The following CD86 variants were observed in gnomAD, a reference collection of about 807,000 sequenced individuals.
CD86 encodes the protein CD86 molecule, also known as T-lymphocyte activation antigen CD86.
In CD86, 11 loss-of-function variants were observed where a neutral mutation model predicts 32.1. The ratio of observed to expected loss-of-function variants is 0.34; its 90% CI spans 0.22 to 0.57. The LOEUF (loss-of-function observed/expected upper bound fraction) is 0.57. Among genes scored for constraint, CD86 ranks in the 20% least tolerant of loss-of-function variants. The probability of loss-of-function intolerance (pLI) is 0.86; values close to 1 mark genes in which losing one functional copy is unlikely to be tolerated. For synonymous variants in CD86, 137 were observed against 135.3 expected (o/e 1.01, Z -0.09); for missense variants, 359 against 398.4 (o/e 0.90, Z 0.84).
intron 1 of CD86, among the ~76,000 whole-genome samples, chr3:122,073,006 G>A (rs963047804): frequency 6.6e-6 from 1 of 151,762 alleles, no homozygotes. Context: ...CCCATTGCTT[G>A]TTTTTCTCAG....
chr3:122,104,344 A>T (rs953282635), intron 3 of CD86, among the ~76,000 whole-genome samples: 21 of 152,170 alleles, frequency 1.4e-4, no homozygotes, highest in African/African-American at 4.8e-4. Flanking sequence ...TTGCTGCCAC[A>T]ACCATGAGCC....
chr3:122,093,424 A>G (rs574842359), intron 2 of CD86, among the ~76,000 whole-genome samples: 6 of 152,332 alleles, frequency 3.9e-5, no homozygotes, highest in Non-Finnish European at 7.3e-5. Flanking sequence ...TTGTCATTGT[A>G]TAATCATCAT....
chr3:122,086,130 T>A (rs1340778962), intron 1 of CD86, among the ~76,000 whole-genome samples: 1 of 152,204 alleles, frequency 6.6e-6, no homozygotes, highest in Non-Finnish European at 1.5e-5. Context: ...GACCAAGGCC[T>A]ACATGTCTTT....
At chr3:122,096,220 C>T (rs978284137) in intron 2 of CD86, among the ~76,000 whole-genome samples, 1 of 152,116 alleles carries the variant, frequency 6.6e-6, no homozygotes, top group Non-Finnish European at 1.5e-5. Context: ...TACATGCCAC[C>T]ATGCCTGGCT....
chr3:122,097,571 C>T (rs932891391), intron 2 of CD86, among the ~76,000 whole-genome samples: 4 of 152,152 alleles, frequency 2.6e-5, no homozygotes, highest in Middle Eastern at 3.4e-3. Flanking sequence ...CTTAGGGGGT[C>T]GCCTTACCAT....
chr3:122,104,653 A>G (rs1231654118), intron 3 of CD86, among the ~76,000 whole-genome samples: 1 of 152,148 alleles, frequency 6.6e-6, no homozygotes, highest in African/African-American at 2.4e-5. Flanking sequence ...TGGGCATCCT[A>G]TAGTTTTGTC....
chr3:122,104,715 C>T (rs905317884), intron 3 of CD86, among the ~76,000 whole-genome samples: 14 of 152,132 alleles, frequency 9.2e-5, no homozygotes, highest in African/African-American at 3.4e-4. Context: ...CCTTTTAAGC[C>T]TGGCTTCTTT....
chr3:122,095,568 A>G (rs149825272), intron 2 of CD86, among the ~76,000 whole-genome samples: 1 of 152,274 alleles, frequency 6.6e-6, no homozygotes, highest in African/African-American at 2.4e-5. Context: ...TTTTGCAGAT[A>G]TCTGCGTGGG....
intron 3 of CD86, among the ~76,000 whole-genome samples, chr3:122,104,772 G>C (rs1285512531): frequency 6.6e-6 from 1 of 152,120 alleles, no homozygotes; most frequent in Non-Finnish European, 1.5e-5. Flanking sequence ...CACATATCGA[G>C]CTTGTCCCTT....
chr3:122,074,242 G>A (rs1161230231), intron 1 of CD86, among the ~76,000 whole-genome samples: 1 of 152,178 alleles, frequency 6.6e-6, no homozygotes, highest in Non-Finnish European at 1.5e-5. Flanking sequence ...GGGCAGTTGG[G>A]TTTCTACTGC....
chr3:122,101,874 AG>A (rs2073015721), intron 2 of CD86, among the ~76,000 whole-genome samples: 1 of 152,114 alleles, frequency 6.6e-6, no homozygotes. Context: ...TTTCACTGTC[AG>A]GGTACGCATA....
chr3:122,072,193 T>C (rs945359562), intron 1 of CD86, among the ~76,000 whole-genome samples: 111 of 150,028 alleles, frequency 7.4e-4, no homozygotes, highest in African/African-American at 2.6e-3. Context: ...TAAACATACG[T>C]GTGCATGTGT....
At chr3:122,091,129 T>C (rs1171228800) in intron 1 of CD86, among the ~76,000 whole-genome samples, 1 of 152,196 alleles carries the variant, frequency 6.6e-6, no homozygotes, top group Non-Finnish European at 1.5e-5. Flanking sequence ...ATCCCTCAAA[T>C]TTTATTTTTT....
At chr3:122,073,949 G>A (rs1210666037) in intron 1 of CD86, among the ~76,000 whole-genome samples, 2 of 152,132 alleles carry the variant, frequency 1.3e-5, no homozygotes, top group African/African-American at 4.8e-5. Flanking sequence ...GGTCATGCAG[G>A]AGTCTCCTTC....
chr3:122,117,306 T>A (rs2073269840), intron 5 of CD86, among the ~76,000 whole-genome samples: 1 of 152,176 alleles, frequency 6.6e-6, no homozygotes, highest in African/African-American at 2.4e-5. Flanking sequence ...AATACACACA[T>A]ACACACATAA....
chr3:122,086,543 G>T lies in CD86; in HGVS notation c.15-5058G>T, dbSNP rs146821328. 99 of 465,966 alleles carry T rather than the reference G, an allele frequency of 2.1e-4. 1 individual carries two copies. The highest frequency in any genetic ancestry group is 1.7e-3 in the African/African-American group (89 of 50,878). 28.9% of individuals were successfully genotyped at this position (465,966 alleles called of 1,614,324 possible). A position where few individuals can be genotyped will look rare whatever the true frequency, so the allele number is the denominator to read the frequency against. On this transcript the variant is annotated intron_variant, in intron 1 of 6. Transcript: ENST00000330540. ...GTCATATTTCCCCAGAGCTCTTCTAGATATGGCTTAGATGGTCCACAGTAG... is the reference window on the plus strand; with the variant it reads ...GTCATATTTCCCCAGAGCTCTTCTATATATGGCTTAGATGGTCCACAGTAG...
intron 6 of CD86, 96 bp downstream of exon 6, chr3:122,118,189 CA>C: frequency 1.0e-6 from 1 of 1,003,696 alleles, no homozygotes; most frequent in Non-Finnish European, 1.6e-6. Context: ...GTTGAGACCT[CA>C]GCAAACCTGA....
At chr3:122,119,156 A>G (rs1383784751) in intron 6 of CD86, among the ~76,000 whole-genome samples, 1 of 152,224 alleles carries the variant, frequency 6.6e-6, no homozygotes, top group African/African-American at 2.4e-5. Flanking sequence ...TGTCACACTC[A>G]GTTTCAGAAA....
intron 3 of CD86, among the ~76,000 whole-genome samples, chr3:122,104,995 C>G (rs913586239): frequency 2.6e-5 from 4 of 152,166 alleles, no homozygotes; most frequent in Non-Finnish European, 5.9e-5. Flanking sequence ...AAAGGCAGAT[C>G]AACACCTATT....
Sources: gnomAD v4.1 joint callset for allele counts (sites outside exome capture counted in the v4.1 genomes callset) on GRCh38, gnomAD v4.1.1 for gene constraint, MANE v1.5 for transcripts, NCBI Gene and HGNC (gene_info 2026-07-23, HGNC 2026-07-21) for gene names.